DNAH7: variants seen among roughly 807,000 people sequenced by gnomAD.
DNAH7 encodes the protein axonemal beta dynein heavy chain 7.
DNAH7 carries 397 observed loss-of-function variants against 444.6 expected under a neutral mutation model. The ratio of observed to expected loss-of-function variants is 0.89; its 90% CI spans 0.82 to 0.97. The LOEUF (loss-of-function observed/expected upper bound fraction) is 0.97, where lower values mean the gene tolerates loss of function less well. DNAH7 is among the 50% of genes least tolerant of loss of function. The pLI is 0.00. For synonymous variants in DNAH7, 1,636 were observed against 1,624.4 expected, an observed-to-expected ratio of 1.01 and a Z score of -0.17; for missense variants, 4,902 against 4,800.8, an observed-to-expected ratio of 1.02 and a Z score of -0.62.
chr2:195,828,142 G>C (rs1319389469), intron 48 of DNAH7, among the ~76,000 whole-genome samples: 1 of 152,056 alleles, frequency 6.6e-6, no homozygotes, highest in African/African-American at 2.4e-5. Context: ...TTTAAAAATT[G>C]ACGCATCTTA....
Position 195,824,351 on chromosome 2 carries a change from C to A in DNAH7, c.9195G>T (p.Arg3065=), listed in dbSNP as rs1381299159. 6.2e-7 allele frequency: 1 copy of A among 1,613,704 alleles called. No individual in the cohort carries two copies. Among genetic ancestry groups the A allele is most frequent in the Non-Finnish European group, 8.5e-7 (1 of 1,179,892 alleles). The part of the protein sequence containing the change: ...TFKQGGSTCI[R]LGDSTIEYAP... ...CATATTCAATTGTGGAGTCCCCAAGCCGGATACATGTACTCCCACCCTGCT... is the reference window on the plus strand; with the variant it reads ...CATATTCAATTGTGGAGTCCCCAAGACGGATACATGTACTCCCACCCTGCT... The change falls in exon 49 of 65, where the codon CGG becomes CGT. Residue 3065 remains arginine, a synonymous_variant. Transcript: ENST00000312428.
At chr2:196,029,433 T>C (rs539243372) in intron 5 of DNAH7, among the ~76,000 whole-genome samples, 153 of 152,134 alleles carry the variant, frequency 1.0e-3, no homozygotes, top group Admixed American at 2.3e-3. Flanking sequence ...CTGTAGAAGT[T>C]CTTCCAGTCA....
intron 8 of DNAH7, among the ~76,000 whole-genome samples, chr2:196,020,939 G>T (rs1174426195): frequency 2.0e-5 from 3 of 152,062 alleles, no homozygotes; most frequent in Non-Finnish European, 2.9e-5. Context: ...TGATATAAAA[G>T]AAAATAAAAC....
intron 54 of DNAH7, among the ~76,000 whole-genome samples, chr2:195,804,208 T>C (rs1227884456): frequency 7.9e-5 from 12 of 152,220 alleles, no homozygotes; most frequent in Admixed American, 7.9e-4. Context: ...GCTCAGATAT[T>C]AGCCCCATTC....
intron 63 of DNAH7, among the ~76,000 whole-genome samples, chr2:195,746,337 G>A (rs1287575289): frequency 6.6e-6 from 1 of 152,082 alleles, no homozygotes; most frequent in African/African-American, 2.4e-5. Flanking sequence ...GGAGCACTCA[G>A]ATTCATAAAG....
intron 63 of DNAH7, among the ~76,000 whole-genome samples, chr2:195,750,776 G>T (rs541626282): frequency 1.3e-5 from 2 of 152,318 alleles, no homozygotes; most frequent in Admixed American, 1.3e-4. Flanking sequence ...GGACTGGGCA[G>T]CCCAGCAGTG....
At chr2:196,035,405 A>G (rs1696322623) in intron 5 of DNAH7, among the ~76,000 whole-genome samples, 1 of 152,178 alleles carries the variant, frequency 6.6e-6, no homozygotes, top group Non-Finnish European at 1.5e-5. Flanking sequence ...GGGTCTTTGC[A>G]CCACCTCTAA....
intron 15 of DNAH7, among the ~76,000 whole-genome samples, chr2:195,981,419 G>A (rs1325124982): frequency 6.6e-6 from 1 of 151,084 alleles, no homozygotes; most frequent in African/African-American, 2.4e-5. Flanking sequence ...ACCCCAAAAA[G>A]CAATGTCAAT....
Position 195,884,753 on chromosome 2 carries a change from A to G in DNAH7, c.5595T>C (p.Asp1865=). ...WSVGASCTDD[D]RLKFNKILRE... is the part of the protein sequence containing the mutation. ...GAAGAATCTTATTAAATTTCAATCG[A>G]TCATCATCTGTACAAGAAGCACCAA... Residue 1865 remains aspartate (D), a synonymous_variant, in exon 35 of 65, where the codon GAT becomes GAC. Coordinates refer to ENST00000312428, the MANE Select transcript of DNAH7 (RefSeq NM_018897.3). 6.2e-7 allele frequency: 1 copy of G among 1,614,074 alleles called. No homozygotes were observed.
intron 38 of DNAH7, among the ~76,000 whole-genome samples, chr2:195,874,818 C>T (rs1252000418): frequency 6.6e-6 from 1 of 151,950 alleles, no homozygotes; most frequent in Non-Finnish European, 1.5e-5. Flanking sequence ...GAGACCCTGT[C>T]TCAAAAACAA....
chr2:196,009,682 A>G (rs1438757799), intron 10 of DNAH7, among the ~76,000 whole-genome samples: 2 of 152,192 alleles, frequency 1.3e-5, no homozygotes, highest in Non-Finnish European at 2.9e-5. Flanking sequence ...TCAAGCTAAA[A>G]AGCTTTGCAT....
intron 19 of DNAH7, among the ~76,000 whole-genome samples, chr2:195,941,746 T>C (rs947954800): frequency 1.3e-5 from 2 of 152,088 alleles, no homozygotes; most frequent in Non-Finnish European, 1.5e-5. Flanking sequence ...AGAAAGGAAA[T>C]GTAGGTTGAC....
At chr2:196,064,377 AAAAC>A (rs1477757446) in intron 1 of DNAH7, among the ~76,000 whole-genome samples, 4 of 151,346 alleles carry the variant, frequency 2.6e-5, no homozygotes, top group Admixed American at 6.6e-5. Context: ...AATAAAAAGA[AAAAC>A]AAAACCTTCA....
At chr2:195,868,089 C>CTTTTT (rs58317384) in intron 40 of DNAH7, among the ~76,000 whole-genome samples, 25 of 101,088 alleles carry the variant, frequency 2.5e-4, no homozygotes, top group African/African-American at 4.0e-4. Flanking sequence ...TATTATTCAT[C>CTTTTT]TTTTTTTTTT....
chr2:195,973,873 A>G (rs1366442975), intron 15 of DNAH7, among the ~76,000 whole-genome samples: 1 of 152,092 alleles, frequency 6.6e-6, no homozygotes, highest in Non-Finnish European at 1.5e-5. Flanking sequence ...GGATCACCTG[A>G]GGTCAAGAGT....
At chr2:195,795,653 G>A (rs1696098114) in intron 56 of DNAH7, among the ~76,000 whole-genome samples, 1 of 152,158 alleles carries the variant, frequency 6.6e-6, no homozygotes, top group Admixed American at 6.5e-5. Context: ...CATGTTGGGG[G>A]TTTGAACTTT....
At chr2:195,790,262 T>C (rs886428075) in intron 57 of DNAH7, among the ~76,000 whole-genome samples, 7 of 152,016 alleles carry the variant, frequency 4.6e-5, no homozygotes, top group African/African-American at 1.4e-4. Context: ...CAAAGCAATA[T>C]ACACATTCAA....
At chr2:195,994,088 T>C (rs536985516) in intron 12 of DNAH7, among the ~76,000 whole-genome samples, 185 of 152,358 alleles carry the variant, frequency 1.2e-3, no homozygotes, top group African/African-American at 4.4e-3. Flanking sequence ...TTTATTTTTT[T>C]AAATTCATTA....
chr2:195,776,289 C>A (rs1695056885), intron 59 of DNAH7, among the ~76,000 whole-genome samples: 1 of 151,864 alleles, frequency 6.6e-6, no homozygotes, highest in Non-Finnish European at 1.5e-5. Flanking sequence ...CCTAAAAATA[C>A]AAAATTAGTC....
Sources: gnomAD v4.1 joint callset for allele counts (sites outside exome capture counted in the v4.1 genomes callset) on GRCh38, gnomAD v4.1.1 for gene constraint, MANE v1.5 for transcripts, NCBI Gene and HGNC (gene_info 2026-07-23, HGNC 2026-07-21) for gene names.